Variants in WWOX observed in about 807,000 individuals in gnomAD.
WWOX encodes the protein WW domain containing oxidoreductase.
In WWOX, 69 loss-of-function variants were observed where a neutral mutation model predicts 46.2. The observed-to-expected ratio is 1.49, with a 90% CI of 1.23 to 1.82. The LOEUF (loss-of-function observed/expected upper bound fraction) is 1.82. WWOX is among the 40% of genes most tolerant of loss of function. The pLI, the probability that WWOX is intolerant of heterozygous loss-of-function variation, is 0.00. For missense variants in WWOX, 919 were observed against 542.6 expected (o/e 1.69, Z -6.89); for synonymous variants, 359 against 202.6 (o/e 1.77, Z -6.56).
chr16:78,176,024 C>T (rs967226755), intron 5 of WWOX, among the ~76,000 whole-genome samples: 4 of 152,148 alleles, frequency 2.6e-5, no homozygotes, highest in African/African-American at 9.7e-5. Flanking sequence ...GGAATCACCC[C>T]GCTTTGGCAT....
intron 8 of WWOX, among the ~76,000 whole-genome samples, chr16:78,779,743 C>G (rs1262878387): frequency 6.6e-6 from 1 of 152,138 alleles, no homozygotes; most frequent in East Asian, 1.9e-4. Flanking sequence ...ATGTGAGAGA[C>G]ATTCTTGTCC....
At chr16:78,685,506 G>A (rs62036105) in intron 8 of WWOX, among the ~76,000 whole-genome samples, 13,136 of 152,186 alleles carry the variant, frequency 0.086, 1,163 homozygotes, top group African/African-American at 0.23. Flanking sequence ...AACTAGACCT[G>A]GGGACTATGT....
intron 8 of WWOX, among the ~76,000 whole-genome samples, chr16:78,801,109 A>G (rs568824378): frequency 2.5e-4 from 38 of 150,558 alleles, no homozygotes; most frequent in African/African-American, 8.8e-4. Context: ...GCTGGAGTGC[A>G]GTGGTGCAAT....
intron 5 of WWOX, among the ~76,000 whole-genome samples, chr16:78,314,452 A>G (rs1435419380): frequency 1.3e-5 from 2 of 149,512 alleles, no homozygotes; most frequent in African/African-American, 4.9e-5. Flanking sequence ...ACCCCTGAAC[A>G]TTTATCCCCC....
At chr16:79,113,583 G>A (rs977692917) in intron 8 of WWOX, among the ~76,000 whole-genome samples, 12 of 152,254 alleles carry the variant, frequency 7.9e-5, no homozygotes, top group African/African-American at 2.7e-4. Context: ...GGTGGAATGA[G>A]CAATCCCTGT....
chr16:78,859,027 A>AATATATATAT (rs1555551611), intron 8 of WWOX, among the ~76,000 whole-genome samples: 24 of 23,666 alleles, frequency 1.0e-3, no homozygotes, highest in African/African-American at 3.0e-3. Context: ...AAAAAAAAAA[A>AATATATATAT]ATATATATAT....
intron 8 of WWOX, among the ~76,000 whole-genome samples, chr16:79,020,780 C>A (rs986249626): frequency 6.6e-6 from 1 of 152,252 alleles, no homozygotes; most frequent in Non-Finnish European, 1.5e-5. Flanking sequence ...CGTGTGGATT[C>A]TTTTCTGTGC....
chr16:78,986,322 G>A (rs117437371), intron 8 of WWOX, among the ~76,000 whole-genome samples: 1 of 152,302 alleles, frequency 6.6e-6, no homozygotes, highest in Non-Finnish European at 1.5e-5. Flanking sequence ...AAGTCACCTA[G>A]AGGATACCAG....
intron 8 of WWOX, among the ~76,000 whole-genome samples, chr16:78,787,419 A>G (rs967427641): frequency 6.6e-6 from 1 of 152,148 alleles, no homozygotes; most frequent in East Asian, 1.9e-4. Flanking sequence ...GAATCACACA[A>G]TATGTGGCCT....
chr16:78,785,792 G>A (rs1257691850), intron 8 of WWOX, among the ~76,000 whole-genome samples: 1 of 151,804 alleles, frequency 6.6e-6, no homozygotes, highest in African/African-American at 2.4e-5. Context: ...CTTCTTTGCT[G>A]AATTGGATAA....
intron 6 of WWOX, among the ~76,000 whole-genome samples, chr16:78,398,702 A>G (rs531958402): frequency 6.6e-6 from 1 of 152,352 alleles, no homozygotes; most frequent in African/African-American, 2.4e-5. Flanking sequence ...CTGTGCTACA[A>G]CTTATTAAGA....
At chr16:78,737,134 C>G (rs920811383) in intron 8 of WWOX, among the ~76,000 whole-genome samples, 5 of 151,942 alleles carry the variant, frequency 3.3e-5, no homozygotes, top group African/African-American at 1.2e-4. Context: ...GAGTCTCACT[C>G]TGTCACCCAG....
chr16:78,966,546 T>A (rs1402371414), intron 8 of WWOX, among the ~76,000 whole-genome samples: 8 of 152,082 alleles, frequency 5.3e-5, no homozygotes, highest in Non-Finnish European at 8.8e-5. Context: ...ATAGTGAAAA[T>A]TTAGATTGTT....
intron 8 of WWOX, among the ~76,000 whole-genome samples, chr16:78,638,578 A>C (rs2046631326): frequency 6.6e-6 from 1 of 152,080 alleles, no homozygotes; most frequent in South Asian, 2.1e-4. Context: ...ACTCTCATAG[A>C]ATGTGGATAG....
rs183955084 is a variant in WWOX at position 78,605,834 on chromosome 16, T to G, written c.1056+173082T>G. On this transcript the variant is annotated intron_variant, in intron 8 of 8. Transcript: ENST00000566780. ...GAACCTTTCCCCTGGTTAAGTGGAG[T>G]GTGTGTGTGTGTTGTTCTTTTTTTC... is the stretch of plus-strand genomic sequence containing the variant. 4.3e-3 allele frequency among the ~76,000 whole-genome samples: 649 copies of G among 151,730 alleles called. 2 individuals carry two copies. Among genetic ancestry groups the G allele is most frequent in the Non-Finnish European group, 7.4e-3 (504 of 67,886 alleles).
At chr16:78,977,515 G>C (rs1440812711) in intron 8 of WWOX, among the ~76,000 whole-genome samples, 3 of 152,100 alleles carry the variant, frequency 2.0e-5, no homozygotes, top group Non-Finnish European at 2.9e-5. Context: ...TCCCACCATA[G>C]ACGCCCTCTC....
intron 8 of WWOX, among the ~76,000 whole-genome samples, chr16:78,848,011 T>C (rs1483405271): frequency 6.6e-6 from 1 of 152,170 alleles, no homozygotes. Context: ...GCTGATAGCC[T>C]GTCGGTGCCT....
intron 4 of WWOX, among the ~76,000 whole-genome samples, chr16:78,134,311 C>T (rs2033713271): frequency 6.6e-6 from 1 of 151,658 alleles, no homozygotes; most frequent in East Asian, 1.9e-4. Flanking sequence ...GTGGGCATTG[C>T]AGTCAACAAT....
intron 8 of WWOX, among the ~76,000 whole-genome samples, chr16:78,985,508 G>A (rs532519082): frequency 2.6e-5 from 4 of 152,284 alleles, no homozygotes; most frequent in African/African-American, 9.6e-5. Context: ...GGTGGCTCAC[G>A]CTGTAATCCC....
Sources: gnomAD v4.1 joint callset for allele counts (sites outside exome capture counted in the v4.1 genomes callset) on GRCh38, gnomAD v4.1.1 for gene constraint, MANE v1.5 for transcripts, NCBI Gene and HGNC (gene_info 2026-07-23, HGNC 2026-07-21) for gene names.